Variants in AIG1 observed in about 807,000 individuals in gnomAD.
AIG1 encodes the protein androgen-induced gene 1 protein.
Under a neutral mutation model 31.4 loss-of-function variants are expected in AIG1, and 23 were observed. That is an observed-to-expected ratio of 0.73 (90% confidence interval 0.53 to 1.04). The LOEUF (loss-of-function observed/expected upper bound fraction) is 1.04. Among genes scored for constraint, AIG1 ranks in the 50% least tolerant of loss-of-function variants. The pLI, the probability that AIG1 is intolerant of heterozygous loss-of-function variation, is 0.00. For missense variants in AIG1, 274 were observed against 295.0 expected, an observed-to-expected ratio of 0.93 and a Z score of 0.52; for synonymous variants, 100 against 110.5, an observed-to-expected ratio of 0.90 and a Z score of 0.60.
intron 2 of AIG1, among the ~76,000 whole-genome samples, chr6:143,155,360 G>C (rs951147019): frequency 2.6e-5 from 4 of 152,152 alleles, no homozygotes; most frequent in African/African-American, 9.7e-5. Flanking sequence ...GGGGCCCAAA[G>C]CTGGGGCAGC....
chr6:143,172,559 A>G (rs748552786), intron 3 of AIG1, among the ~76,000 whole-genome samples: 1 of 152,132 alleles, frequency 6.6e-6, no homozygotes, highest in Non-Finnish European at 1.5e-5. Flanking sequence ...TGGTTTTGGT[A>G]TTAGGGTGAT....
intron 1 of AIG1, among the ~76,000 whole-genome samples, chr6:143,090,436 G>A (rs556826118): frequency 4.6e-4 from 70 of 152,174 alleles, no homozygotes; most frequent in Non-Finnish European, 8.5e-4. Flanking sequence ...TTTTCAGGAT[G>A]TGAGAACATA....
At chr6:143,173,309 C>T (rs1312731425) in intron 3 of AIG1, among the ~76,000 whole-genome samples, 1 of 152,198 alleles carries the variant, frequency 6.6e-6, no homozygotes, top group Non-Finnish European at 1.5e-5. Context: ...GTGATCCACC[C>T]ACCTTGGCCT....
chr6:143,072,287 C>T (rs1777362452), intron 1 of AIG1, among the ~76,000 whole-genome samples: 1 of 152,102 alleles, frequency 6.6e-6, no homozygotes, highest in Non-Finnish European at 1.5e-5. Flanking sequence ...GGTGATTTAA[C>T]TAAACTTATT....
At chr6:143,282,824 A>G (rs1398218467) in intron 3 of AIG1, among the ~76,000 whole-genome samples, 2 of 152,218 alleles carry the variant, frequency 1.3e-5, no homozygotes, top group South Asian at 2.1e-4. Flanking sequence ...GATATCCCCA[A>G]CATGCCTTTT....
At chr6:143,206,032 G>T (rs1324890362) in intron 3 of AIG1, among the ~76,000 whole-genome samples, 1 of 152,102 alleles carries the variant, frequency 6.6e-6, no homozygotes, top group Non-Finnish European at 1.5e-5. Context: ...AATGACCAAG[G>T]TATTATGACT....
intron 3 of AIG1, among the ~76,000 whole-genome samples, chr6:143,165,525 C>T (rs1786842878): frequency 1.0e-5 from 1 of 99,270 alleles, no homozygotes; most frequent in African/African-American, 5.2e-5. Context: ...GGATGGATTC[C>T]CATCTACACA....
intron 5 of AIG1, chr6:143,339,113 G>T (rs1045531705): frequency 3.9e-5 from 6 of 151,944 alleles, no homozygotes; most frequent in Admixed American, 2.0e-4. Context: ...TCATGAGTAT[G>T]GAAATAAACA....
chr6:143,133,769 G>T (rs958187108), intron 1 of AIG1, among the ~76,000 whole-genome samples: 1 of 152,064 alleles, frequency 6.6e-6, no homozygotes, highest in Non-Finnish European at 1.5e-5. Context: ...GAATTAACTT[G>T]TCCTTGGAGG....
At chr6:143,238,553 C>T (rs1402927487) in intron 3 of AIG1, among the ~76,000 whole-genome samples, 15 of 152,018 alleles carry the variant, frequency 9.9e-5, no homozygotes, top group Non-Finnish European at 1.8e-4. Context: ...GGGAGGGGTT[C>T]TGCATTCTCT....
chr6:143,192,424 G>A (rs1028499854), intron 3 of AIG1, among the ~76,000 whole-genome samples: 1 of 152,086 alleles, frequency 6.6e-6, no homozygotes, highest in Non-Finnish European at 1.5e-5. Context: ...GGCCAACATG[G>A]TGAAACCCCA....
chr6:143,202,719 C>T (rs374813670), intron 3 of AIG1, among the ~76,000 whole-genome samples: 2 of 152,096 alleles, frequency 1.3e-5, no homozygotes, highest in African/African-American at 4.8e-5. Flanking sequence ...ACTGAAACCC[C>T]AGAAGTGTTT....
chr6:143,342,631 C>G (rs745482903), downstream of AIG1: 54 of 1,133,288 alleles, frequency 4.8e-5, no homozygotes, highest in Middle Eastern at 2.0e-4. Flanking sequence ...ATCCAGGGGT[C>G]CAGAGTTATT....
intron 2 of AIG1, among the ~76,000 whole-genome samples, chr6:143,152,705 T>C (rs1785346936): frequency 6.6e-6 from 1 of 152,196 alleles, no homozygotes; most frequent in Non-Finnish European, 1.5e-5. Flanking sequence ...ATCTCACCTG[T>C]GTGAGGCATA....
At chr6:143,259,259 C>A (rs1373897518) in intron 3 of AIG1, among the ~76,000 whole-genome samples, 3 of 152,206 alleles carry the variant, frequency 2.0e-5, no homozygotes, top group African/African-American at 7.2e-5. Context: ...GTTATAGCAA[C>A]ACAAAACAGA....
intron 4 of AIG1, among the ~76,000 whole-genome samples, chr6:143,322,872 C>G (rs1776330307): frequency 6.6e-6 from 1 of 152,154 alleles, no homozygotes; most frequent in South Asian, 2.1e-4. Flanking sequence ...TGAAAACATT[C>G]TTGCATGTGA....
intron 3 of AIG1, among the ~76,000 whole-genome samples, chr6:143,232,743 C>T (rs879382975): frequency 1.4e-4 from 21 of 152,166 alleles, no homozygotes; most frequent in Middle Eastern, 3.2e-3. Flanking sequence ...TTTTTCTCCC[C>T]AAAATTGCCT....
intron 4 of AIG1, among the ~76,000 whole-genome samples, chr6:143,290,868 A>G (rs1053713241): frequency 1.3e-4 from 20 of 152,108 alleles, no homozygotes; most frequent in Non-Finnish European, 1.5e-5. Context: ...TACAAGAGAC[A>G]GCCGAAGGAC....
At chr6:143,178,685 T>C (rs1788425253) in intron 3 of AIG1, among the ~76,000 whole-genome samples, 1 of 152,228 alleles carries the variant, frequency 6.6e-6, no homozygotes, top group African/African-American at 2.4e-5. Flanking sequence ...TGTTCTCCCC[T>C]AGACTCTCTG....
Sources: allele counts gnomAD v4.1 joint callset (sites outside exome capture counted in the v4.1 genomes callset), GRCh38; gene constraint gnomAD v4.1.1; transcripts MANE v1.5; gene names NCBI Gene and HGNC (gene_info 2026-07-23, HGNC 2026-07-21).